Variants in RBFOX2 observed in about 807,000 individuals in gnomAD.
RBFOX2 encodes the protein RNA binding protein fox-1 homolog 2.
In RBFOX2, 10 loss-of-function variants were observed where a neutral mutation model predicts 49.1. The ratio of observed to expected loss-of-function variants is 0.20; its 90% confidence interval spans 0.13 to 0.35. The LOEUF (loss-of-function observed/expected upper bound fraction) is 0.35. Ranked by LOEUF, RBFOX2 falls within the 10% of genes least tolerant of loss-of-function variation. RBFOX2 has a pLI of 1.00. For missense variants in RBFOX2, 323 were observed against 486.9 expected (o/e 0.66, Z 3.17); for synonymous variants, 183 against 187.4 (o/e 0.98, Z 0.19).
At chr22:35,895,596 G>A (rs2047747195) in intron 1 of RBFOX2, among the ~76,000 whole-genome samples, 1 of 152,038 alleles carries the variant, frequency 6.6e-6, no homozygotes, top group Non-Finnish European at 1.5e-5. Context: ...TATTACTACT[G>A]CCCTAGTTCA....
intron 1 of RBFOX2, among the ~76,000 whole-genome samples, chr22:35,989,606 A>T (rs1395943491): frequency 6.6e-6 from 1 of 152,162 alleles, no homozygotes; most frequent in African/African-American, 2.4e-5. Flanking sequence ...AAAGATAACT[A>T]AATGTGCTAG....
intron 1 of RBFOX2, among the ~76,000 whole-genome samples, chr22:35,817,053 C>T (rs1953252771): frequency 6.6e-6 from 1 of 151,434 alleles, no homozygotes. Flanking sequence ...GGTTTGGGTC[C>T]CACATTCTGA....
intron 1 of RBFOX2, among the ~76,000 whole-genome samples, chr22:36,023,693 A>G (rs1421989662): frequency 6.6e-6 from 1 of 152,114 alleles, no homozygotes; most frequent in East Asian, 1.9e-4. Flanking sequence ...CTCTTTAACT[A>G]CATTTCTCAA....
chr22:35,945,838 G>C (rs1260854310), intron 1 of RBFOX2, among the ~76,000 whole-genome samples: 1 of 152,118 alleles, frequency 6.6e-6, no homozygotes, highest in East Asian at 1.9e-4. Flanking sequence ...TAAGTGATAC[G>C]AATCTGATAG....
intron 1 of RBFOX2, chr22:35,898,297 A>C (rs1381504335): frequency 6.7e-6 from 5 of 743,868 alleles, no homozygotes; most frequent in Non-Finnish European, 5.0e-6. Context: ...GGGCATGATG[A>C]AGCTGGCAAT....
At chr22:35,748,318 C>G (rs952243443) in intron 9 of RBFOX2, 1 of 152,156 alleles carries the variant, frequency 6.6e-6, no homozygotes, top group Non-Finnish European at 1.5e-5. Flanking sequence ...ATTAATATTA[C>G]CAAACACTGA....
intron 1 of RBFOX2, among the ~76,000 whole-genome samples, chr22:35,972,878 G>A (rs184485646): frequency 7.2e-5 from 11 of 152,238 alleles, no homozygotes; most frequent in Non-Finnish European, 1.6e-4. Context: ...TACAAGCCTA[G>A]CCATCTGGGC....
chr22:35,793,932 T>A (rs930898517), intron 2 of RBFOX2, among the ~76,000 whole-genome samples: 1 of 152,224 alleles, frequency 6.6e-6, no homozygotes, highest in Non-Finnish European at 1.5e-5. Flanking sequence ...ATATGTAACA[T>A]GATCATGTAC....
At chr22:35,931,810 A>T (rs1045914003) in intron 1 of RBFOX2, among the ~76,000 whole-genome samples, 4 of 152,176 alleles carry the variant, frequency 2.6e-5, no homozygotes, top group African/African-American at 9.7e-5. Context: ...TTAAGGTTGC[A>T]TTTTTAAGGA....
At chr22:35,782,763 G>C (rs1945463968) in intron 2 of RBFOX2, among the ~76,000 whole-genome samples, 1 of 152,218 alleles carries the variant, frequency 6.6e-6, no homozygotes, top group South Asian at 2.1e-4. Flanking sequence ...AAAGGCTTTA[G>C]AGACCCTGAC....
chr22:35,762,040 G>C (rs1376344568), intron 6 of RBFOX2, among the ~76,000 whole-genome samples: 1 of 152,048 alleles, frequency 6.6e-6, no homozygotes, highest in Admixed American at 6.6e-5. Context: ...AACTAAAAAA[G>C]GAAAGACATG....
chr22:35,823,103 G>A (rs892913377), intron 1 of RBFOX2, among the ~76,000 whole-genome samples: 1 of 152,202 alleles, frequency 6.6e-6, no homozygotes, highest in African/African-American at 2.4e-5. Context: ...TTACAGGCAT[G>A]AGCCACCGCA....
At chr22:35,784,853 C>A (rs1266447725) in intron 2 of RBFOX2, among the ~76,000 whole-genome samples, 1 of 152,188 alleles carries the variant, frequency 6.6e-6, no homozygotes, top group Non-Finnish European at 1.5e-5. Context: ...GCGTTGCCGG[C>A]CGCTGCGGTG....
rs143809413 is a variant in RBFOX2 at position 35,830,494 on chromosome 22, A to C, written c.27+9698T>G. 9.2e-5 allele frequency among the ~76,000 whole-genome samples: 14 copies of C among 152,346 alleles called. No individual in the cohort carries two copies. The East Asian group carries it at 2.7e-3, about 29-fold the overall frequency. On this transcript the variant is annotated intron_variant, in intron 1 of 11. Transcript: ENST00000405409. ...GATATGTTCTGAGAAACGTGTCCTTAAGCAAGTGTCTTTGTGTGAACATCA... is the reference window on the plus strand; with the variant it reads ...GATATGTTCTGAGAAACGTGTCCTTCAGCAAGTGTCTTTGTGTGAACATCA...
rs1938025684 is a variant in RBFOX2 at position 35,759,625 on chromosome 22, G to T, written c.887+263C>A. ...GCCAACACACTGCTAGTAAACACAA[G>T]ACGGTTCTGGCTACTGTCTTAAGCC... On this transcript the variant is annotated intron_variant, in intron 9 of 11. Coordinates refer to ENST00000405409, the Ensembl canonical transcript of RBFOX2. The surrounding 1 kb of genome is among the most constrained non-coding windows in gnomAD (Gnocchi z 4.6). 1.3e-5 allele frequency among the ~76,000 whole-genome samples: 2 copies of T among 152,188 alleles called. No homozygotes were observed. The highest frequency in any genetic ancestry group is 4.8e-5 in the African/African-American group (2 of 41,438).
chr22:35,973,051 T>C (rs1435272093), intron 1 of RBFOX2, among the ~76,000 whole-genome samples: 1 of 152,064 alleles, frequency 6.6e-6, no homozygotes, highest in African/African-American at 2.4e-5. Context: ...CAGAGTCAAA[T>C]ACAAAAAAAG....
At chr22:35,998,689 T>G (rs1032609932) in intron 1 of RBFOX2, 1 of 152,210 alleles carries the variant, frequency 6.6e-6, no homozygotes, top group Admixed American at 6.5e-5. Context: ...TTAGGTTATA[T>G]TTCATATAAA....
intron 1 of RBFOX2, among the ~76,000 whole-genome samples, chr22:35,956,128 G>C (rs2055527637): frequency 6.6e-6 from 1 of 152,042 alleles, no homozygotes; most frequent in South Asian, 2.1e-4. Context: ...TAAAATACAA[G>C]TTCACTAAGT....
intron 6 of RBFOX2, among the ~76,000 whole-genome samples, chr22:35,764,352 C>T (rs910658668): frequency 1.3e-5 from 2 of 151,964 alleles, no homozygotes; most frequent in East Asian, 1.9e-4. Flanking sequence ...TGGGAGGCCA[C>T]GGTGGGCGGA....
Sources: allele counts gnomAD v4.1 joint callset (sites outside exome capture counted in the v4.1 genomes callset), GRCh38; gene constraint gnomAD v4.1.1; non-coding constraint Gnocchi (gnomAD v3.1); transcripts MANE v1.5; gene names NCBI Gene and HGNC (gene_info 2026-07-23, HGNC 2026-07-21).